Variants in ASIC2 observed in about 807,000 individuals in gnomAD.
ASIC2 encodes the protein acid sensing ion channel subunit 2.
A neutral mutation model predicts 57.3 loss-of-function variants in ASIC2; 25 were observed. The observed-to-expected ratio is 0.44, with a 90% confidence interval of 0.32 to 0.61. The LOEUF (loss-of-function observed/expected upper bound fraction) is 0.61. ASIC2 is among the 20% of genes least tolerant of loss of function. The pLI is 0.06. For synonymous variants in ASIC2, 319 were observed against 307.5 expected (o/e 1.04, Z -0.39); for missense variants, 641 against 738.1 (o/e 0.87, Z 1.52).
chr17:34,077,304 G>A (rs931920877), intron 1 of ASIC2, among the ~76,000 whole-genome samples: 1 of 152,148 alleles, frequency 6.6e-6, no homozygotes, highest in African/African-American at 2.4e-5. Flanking sequence ...GGGACCTCTG[G>A]CCCTGGGCTC....
chr17:33,375,280 C>T (rs1909234525), intron 1 of ASIC2, among the ~76,000 whole-genome samples: 1 of 151,854 alleles, frequency 6.6e-6, no homozygotes, highest in Admixed American at 6.6e-5. Flanking sequence ...AGCCATGTGG[C>T]TCTCTGAAGG....
chr17:33,276,479 C>T (rs1026450297), intron 1 of ASIC2, among the ~76,000 whole-genome samples: 1 of 152,182 alleles, frequency 6.6e-6, no homozygotes, highest in Non-Finnish European at 1.5e-5. Flanking sequence ...CAATATGCTG[C>T]TCAAAGACAA....
chr17:33,326,014 C>T (rs931353675), intron 1 of ASIC2, among the ~76,000 whole-genome samples: 1 of 152,126 alleles, frequency 6.6e-6, no homozygotes, highest in African/African-American at 2.4e-5. Flanking sequence ...CAGGAGAGCC[C>T]TTCCTCTGTA....
chr17:33,767,335 T>C (rs117934318), intron 1 of ASIC2, among the ~76,000 whole-genome samples: 1 of 152,336 alleles, frequency 6.6e-6, no homozygotes, highest in Non-Finnish European at 1.5e-5. Flanking sequence ...TACCTTATGA[T>C]GTTGAAGGAA....
At chr17:33,495,375 C>A (rs534018177) in intron 1 of ASIC2, among the ~76,000 whole-genome samples, 52 of 152,332 alleles carry the variant, frequency 3.4e-4, no homozygotes, top group African/African-American at 1.3e-3. Flanking sequence ...GGCAAAGAAG[C>A]CATGTCCAAG....
intron 1 of ASIC2, among the ~76,000 whole-genome samples, chr17:33,284,429 T>C (rs1022437276): frequency 6.6e-6 from 1 of 152,190 alleles, no homozygotes. Flanking sequence ...ACTTCTCTTC[T>C]GTTTGTCTGA....
rs183636539 is a variant in ASIC2, at chr17:34,009,512, A to G, written c.555+146466T>C. Among the ~76,000 whole-genome samples, 13 of 152,380 alleles carry G rather than the reference A, an allele frequency of 8.5e-5. No homozygotes were observed. In the East Asian group the frequency reaches 2.1e-3, roughly 25 times the overall value. ...ATGTTGAAATGATATTATTTTGGAT[A>G]TATTGGGTTAAATAAAAGACATTAT... is the stretch of plus-strand genomic sequence containing the variant. On this transcript the variant is annotated intron_variant, in intron 1 of 9. Transcript: ENST00000359872.
intron 1 of ASIC2, among the ~76,000 whole-genome samples, chr17:33,824,726 A>G (rs1030796092): frequency 6.6e-5 from 10 of 151,886 alleles, no homozygotes; most frequent in Non-Finnish European, 1.3e-4. Flanking sequence ...AAGTCTCACA[A>G]GATCTGATGG....
At chr17:33,161,170 T>C (rs979963919) in intron 1 of ASIC2, among the ~76,000 whole-genome samples, 1 of 152,080 alleles carries the variant, frequency 6.6e-6, no homozygotes, top group East Asian at 1.9e-4. Flanking sequence ...TGAGAAAGGG[T>C]GGGGGAGATG....
At chr17:33,470,552 T>C (rs979597576) in intron 1 of ASIC2, among the ~76,000 whole-genome samples, 9 of 152,228 alleles carry the variant, frequency 5.9e-5, no homozygotes, top group Admixed American at 5.2e-4. Flanking sequence ...GGCCTGAGAT[T>C]CTGCATTTCT....
intron 1 of ASIC2, among the ~76,000 whole-genome samples, chr17:33,826,300 G>C (rs772072580): frequency 2.0e-5 from 3 of 152,200 alleles, no homozygotes; most frequent in Non-Finnish European, 4.4e-5. Context: ...CTGTGCATTT[G>C]TGTTTTGCCA....
rs115961635 is a variant in ASIC2, at chr17:33,427,495, C to T, written c.556-315428G>A. Among the ~76,000 whole-genome samples, 818 of 152,328 alleles carry T rather than the reference C, an allele frequency of 5.4e-3. 13 individuals are homozygous for T. The highest frequency in any genetic ancestry group is 0.018 in the African/African-American group (748 of 41,566). Reference sequence around the variant, plus strand: ...CAAATGAGAGAAAACTATGAAAGGGCTTTGTAAGTGGTAATATGGGTACAC... The same window carrying T: ...CAAATGAGAGAAAACTATGAAAGGGTTTTGTAAGTGGTAATATGGGTACAC... On this transcript the variant is annotated intron_variant, in intron 1 of 9. Coordinates refer to the ASIC2 transcript ENST00000359872.
At chr17:33,791,881 C>T (rs2142137245) in intron 1 of ASIC2, 1 of 152,310 alleles carries the variant, frequency 6.6e-6, no homozygotes, top group Admixed American at 6.5e-5. Flanking sequence ...AATCTCAGCT[C>T]ACTGCAGCCT....
intron 1 of ASIC2, among the ~76,000 whole-genome samples, chr17:33,931,644 C>G (rs1915933665): frequency 6.6e-6 from 1 of 152,210 alleles, no homozygotes; most frequent in South Asian, 2.1e-4. Flanking sequence ...CTGACAGCAG[C>G]TTATCAAACA....
intron 1 of ASIC2, among the ~76,000 whole-genome samples, chr17:33,426,128 T>C (rs1911212292): frequency 6.6e-6 from 1 of 152,098 alleles, no homozygotes; most frequent in East Asian, 1.9e-4. Flanking sequence ...AACTATTTGT[T>C]TTTGTTGTTG....
At chr17:33,365,860 A>G (rs1231378135) in intron 1 of ASIC2, among the ~76,000 whole-genome samples, 2 of 152,252 alleles carry the variant, frequency 1.3e-5, no homozygotes. Context: ...GTTTAATTAT[A>G]GCTGAATTTG....
intron 3 of ASIC2, among the ~76,000 whole-genome samples, chr17:33,043,040 C>T (rs574986738): frequency 6.9e-6 from 1 of 145,386 alleles, no homozygotes. Flanking sequence ...CATTCTCCTG[C>T]CTCAGCCTCC....
intron 1 of ASIC2, among the ~76,000 whole-genome samples, chr17:33,677,936 T>C (rs1265942409): frequency 6.6e-6 from 1 of 152,154 alleles, no homozygotes; most frequent in African/African-American, 2.4e-5. Flanking sequence ...TTTGAAGGCG[T>C]GGGTAAACTG....
intron 1 of ASIC2, among the ~76,000 whole-genome samples, chr17:33,571,473 A>G (rs944289259): frequency 6.6e-5 from 10 of 152,220 alleles, no homozygotes; most frequent in African/African-American, 2.4e-4. Flanking sequence ...TTTCTGAATG[A>G]GTGAAATGTC....
Sources: gnomAD v4.1 joint callset for allele counts (sites outside exome capture counted in the v4.1 genomes callset) on GRCh38, gnomAD v4.1.1 for gene constraint, MANE v1.5 for transcripts, NCBI Gene and HGNC (gene_info 2026-07-23, HGNC 2026-07-21) for gene names.